The following KIF1A variants were observed in gnomAD, a reference collection of about 807,000 sequenced individuals.
KIF1A encodes the protein kinesin-like protein KIF1A.
In KIF1A, 46 loss-of-function variants were observed where a neutral mutation model predicts 227.3. The observed-to-expected ratio is 0.20, with a 90% CI of 0.16 to 0.26. KIF1A has a LOEUF of 0.26. KIF1A is among the 10% of genes least tolerant of loss of function. The pLI, the probability that KIF1A is intolerant of heterozygous loss-of-function variation, is 1.00. For synonymous variants in KIF1A, 1,022 were observed against 1,012.8 expected, an observed-to-expected ratio of 1.01 and a Z score of -0.17; for missense variants, 1,683 against 2,485.9, an observed-to-expected ratio of 0.68 and a Z score of 6.87.
Position 240,792,411 on chromosome 2 carries a change from C to A in KIF1A, c.107-3099G>T, listed in dbSNP as rs1308358999. ...CTCCCACCCCAGGCTCTGGCCAGGC[C>A]CCCAGAGCTGGGCCCCTCCAAGGCC... On this transcript the variant is annotated intron_variant, in intron 2 of 48. Coordinates refer to ENST00000498729, the MANE Select transcript of KIF1A (RefSeq NM_001244008.2). The surrounding 1 kb of genome is among the most constrained non-coding windows in gnomAD (Gnocchi z 4.5). 6.6e-6 allele frequency among the ~76,000 whole-genome samples: 1 copy of A among 152,088 alleles called. No individual in the cohort carries two copies. Among genetic ancestry groups the A allele is most frequent in the Admixed American group, 6.5e-5 (1 of 15,280 alleles).
intron 1 of KIF1A, among the ~76,000 whole-genome samples, chr2:240,809,011 T>C (rs1189925232): frequency 6.6e-6 from 1 of 152,080 alleles, no homozygotes; most frequent in East Asian, 1.9e-4. Flanking sequence ...ATTAGAGGCA[T>C]AAGCCACCAC....
intron 1 of KIF1A, among the ~76,000 whole-genome samples, chr2:240,817,063 C>T (rs1446100716): frequency 1.3e-5 from 2 of 152,236 alleles, no homozygotes; most frequent in African/African-American, 2.4e-5. Context: ...CACTGTGCCC[C>T]TGCCTCTGCC....
rs116644900 is a variant in KIF1A at position 240,768,185 on chromosome 2, T to C, written c.1498-840A>G. 6.2e-3 allele frequency among the ~76,000 whole-genome samples: 945 copies of C among 152,176 alleles called. 7 individuals are homozygous for C. Among genetic ancestry groups the C allele is most frequent in the African/African-American group, 0.021 (882 of 41,524 alleles). On this transcript the variant is annotated intron_variant, in intron 17 of 48. Coordinates refer to ENST00000498729, the MANE Select transcript of KIF1A (RefSeq NM_001244008.2). ...CAGTGCCCAGACCCAGGGCAACCAA[T>C]AAAGCTGCACCCCTGGAGTTCCACC...
rs764261940 is a variant in KIF1A at position 240,792,666 on chromosome 2, G to A, written c.107-3354C>T. Among the ~76,000 whole-genome samples the A allele has an allele frequency of 2.6e-5, 4 of 152,158 alleles. No homozygotes were observed. Among genetic ancestry groups the A allele is most frequent in the African/African-American group, 7.2e-5 (3 of 41,438 alleles). ...CCGAGCTGAGCTGGCTCTTCCCAAC[G>A]GAGCCTGCTGTGGGCCGAGCGTGTC... is the stretch of plus-strand genomic sequence containing the variant. On this transcript the variant is annotated intron_variant, in intron 2 of 48. Transcript: ENST00000498729. This position sits in a 1 kb window ranked among gnomAD's most constrained non-coding sequence, Gnocchi z 4.5.
chr2:240,786,877 G>A (rs1170681574), intron 5 of KIF1A, among the ~76,000 whole-genome samples: 3 of 102,234 alleles, frequency 2.9e-5, no homozygotes, highest in African/African-American at 1.1e-4. Context: ...GCCCCTGTGT[G>A]TATGTTCGAG....
Position 240,761,453 on chromosome 2 carries a change from C to A in KIF1A, c.2117-76G>T, listed in dbSNP as rs144894625. ...CACCATGCCCCGCCCTCTGGAAGGT[C>A]AGGCTGGTCGGCCACTCCATGGGGC... On this transcript the variant is annotated intron_variant, in intron 23 of 48. Coordinates refer to ENST00000498729, the MANE Select transcript of KIF1A (RefSeq NM_001244008.2). 5 of 1,421,708 alleles carry A rather than the reference C, an allele frequency of 3.5e-6. No individual in the cohort carries two copies. In the African/African-American group the frequency reaches 7.1e-5, roughly 20 times the overall value. 88.1% of individuals were successfully genotyped at this position (1,421,708 alleles called of 1,614,324 possible). A position where few individuals can be genotyped will look rare whatever the true frequency, so the allele number is the denominator to read the frequency against.
chr2:240,754,814 A>T (rs761432692), intron 27 of KIF1A, among the ~76,000 whole-genome samples: 6 of 151,880 alleles, frequency 4.0e-5, no homozygotes, highest in Admixed American at 1.3e-4. Flanking sequence ...ATACCAAGAC[A>T]GAGGGGCCCC....
chr2:240,717,277 A>C lies in KIF1A; in HGVS notation c.*87T>G. 7.6e-7 allele frequency: 1 copy of C among 1,319,798 alleles called. No homozygotes were observed. The highest frequency in any genetic ancestry group is 1.7e-5 in the Admixed American group (1 of 58,262). The allele number at this position is 1,319,798 out of a possible 1,614,324, so 81.8% of individuals were successfully genotyped here. On this transcript the variant is annotated 3_prime_UTR_variant, in exon 49 of 49. Coordinates refer to ENST00000498729, the MANE Select transcript of KIF1A (RefSeq NM_001244008.2). ...ACCCGGTCGTGGGCTGTCTGGCAGG[A>C]GAGGGGCTGGGCGGCAGGTGACAGG...
intron 38 of KIF1A, among the ~76,000 whole-genome samples, chr2:240,735,003 C>A (rs529326520): frequency 3.1e-4 from 47 of 152,176 alleles, no homozygotes; most frequent in Non-Finnish European, 6.5e-4. Context: ...AGCAGCCCGG[C>A]CCATCATGGG....
Position 240,762,746 on chromosome 2 carries a change from C to T in KIF1A, c.2089G>A (p.Glu697Lys), listed in dbSNP as rs752556549. The change falls in exon 23 of 49, where the codon GAG becomes AAG. Residue 697 changes from glutamate (E) to lysine (K), a missense_variant. Glu to Lys is a moderately conservative substitution (Grantham distance 56). Transcript: ENST00000498729. ...TCATCCTCGGGCTCCTCCTCCTCCT[C>T]GTTCACCTCCGGGTAGTACCTGGAG... ...MDSRYYPEVN[E>K]EEEEPEDEVQ... 23 of 1,596,176 alleles carry T rather than the reference C, an allele frequency of 1.4e-5. No homozygotes were observed. The highest frequency in any genetic ancestry group is 1.7e-4 in the Middle Eastern group (1 of 6,016).
Position 240,752,335 on chromosome 2 carries a change from A to C in KIF1A, c.2859-1788T>G, listed in dbSNP as rs1340304426. Among the ~76,000 whole-genome samples, 1 of 152,068 alleles carries C rather than the reference A, an allele frequency of 6.6e-6. No homozygotes were observed. Among genetic ancestry groups the C allele is most frequent in the Non-Finnish European group, 1.5e-5 (1 of 68,010 alleles). ...GCCCATGGAAGCTCACCCTGGCCCT[A>C]GTCACGAGAGGACACTGAGGCCCAC... On this transcript the variant is annotated intron_variant, in intron 27 of 48. Transcript: ENST00000498729. This position sits in a 1 kb window ranked among gnomAD's most constrained non-coding sequence, Gnocchi z 6.4.
intron 1 of KIF1A, among the ~76,000 whole-genome samples, chr2:240,806,469 C>T (rs907174729): frequency 2.6e-5 from 4 of 152,160 alleles, no homozygotes; most frequent in African/African-American, 9.7e-5. Context: ...CCAGATATTC[C>T]GTGGAGACCC....
intron 38 of KIF1A, among the ~76,000 whole-genome samples, chr2:240,733,152 G>A (rs1209706925): frequency 1.3e-5 from 2 of 151,988 alleles, no homozygotes; most frequent in African/African-American, 4.8e-5. Flanking sequence ...GAGTGTCTTA[G>A]TCACACGTGA....
chr2:240,735,745 C>T (rs2047236400), intron 38 of KIF1A, among the ~76,000 whole-genome samples: 2 of 152,206 alleles, frequency 1.3e-5, no homozygotes, highest in Admixed American at 1.3e-4. Flanking sequence ...CTCATGGCGG[C>T]AGGAGAAGCA....
rs1298086785 is a variant in KIF1A, at chr2:240,725,773, G to A, written c.4123-369C>T. Reference sequence around the variant, plus strand: ...GTGAGGATCAAACCAGGTCTTGTTTGAATGTGCACATTTTAACCCAAACAC... The same window carrying A: ...GTGAGGATCAAACCAGGTCTTGTTTAAATGTGCACATTTTAACCCAAACAC... On this transcript the variant is annotated intron_variant, in intron 39 of 48. Transcript: ENST00000498729. The surrounding 1 kb of genome is among the most constrained non-coding windows in gnomAD (Gnocchi z 5.8). The A allele has an allele frequency of 5.0e-6, 1 of 201,564 alleles. No homozygotes were observed. Among genetic ancestry groups the A allele is most frequent in the Non-Finnish European group, 1.0e-5 (1 of 100,426 alleles). The allele number at this position is 201,564 out of a possible 1,614,324, so 12.5% of individuals were successfully genotyped here.
intron 2 of KIF1A, 24 bp downstream of exon 2, chr2:240,797,623 G>A (rs200131819): frequency 9.9e-5 from 153 of 1,546,446 alleles, no homozygotes; most frequent in Non-Finnish European, 1.3e-4. Flanking sequence ...GGCCGACCCC[G>A]ATGCTGTGCA....
chr2:240,763,072 G>C lies in KIF1A; in HGVS notation c.1969C>G (p.Gln657Glu). 6.4e-7 allele frequency: 1 copy of C among 1,572,128 alleles called. No homozygotes were observed. Among genetic ancestry groups the C allele is most frequent in the Non-Finnish European group, 8.6e-7 (1 of 1,160,830 alleles). ...MEQRLQELED[Q>E]YRREREEATY... is the part of the protein sequence containing the mutation. ...GCCTCCTCCCGCTCGCGGCGGTACT[G>C]GTCCTCCAGTTCCTGGAGCCTGCAA... is the stretch of plus-strand genomic sequence containing the variant. The change falls in exon 22 of 49, where the codon CAG becomes GAG. Residue 657 changes from glutamine (Q) to glutamate (E), a missense_variant. Gln to Glu is a conservative substitution (Grantham distance 29, BLOSUM62 2). Around this residue, in one of 12 missense-constraint regions of KIF1A, gnomAD observed 217 missense variants for 427.0 expected, o/e 0.51. Transcript: ENST00000498729.
At chr2:240,812,905 C>CGCCTTCACCTCGGAGATCT (rs2058012960) in intron 1 of KIF1A, among the ~76,000 whole-genome samples, 1 of 120,088 alleles carries the variant, frequency 8.3e-6, no homozygotes, top group African/African-American at 3.4e-5. Context: ...CTCGGGGATC[C>CGCCTTCACCTCGGAGATCT]GCCTTCACCT....
intron 27 of KIF1A, among the ~76,000 whole-genome samples, chr2:240,756,995 C>T (rs1428104779): frequency 1.3e-5 from 2 of 152,206 alleles, no homozygotes; most frequent in Non-Finnish European, 2.9e-5. Flanking sequence ...TCCGGGGTTC[C>T]TACGGCCTCT....
Sources: gnomAD v4.1 joint callset for allele counts (sites outside exome capture counted in the v4.1 genomes callset) on GRCh38, gnomAD v4.1.1 for gene constraint, gnomAD v4.1.1 regional missense constraint, Gnocchi (gnomAD v3.1) non-coding constraint, MANE v1.5 for transcripts, NCBI Gene and HGNC (gene_info 2026-07-23, HGNC 2026-07-21) for gene names.